CHST11: variants seen among roughly 807,000 people sequenced by gnomAD.
CHST11 encodes the protein C4S-1.
In CHST11, 9 loss-of-function variants were observed where a neutral mutation model predicts 30.4. The observed-to-expected ratio is 0.30, with a 90% CI of 0.18 to 0.52. The LOEUF (loss-of-function observed/expected upper bound fraction) is 0.52. CHST11 is among the 20% of genes least tolerant of loss of function. The probability of loss-of-function intolerance (pLI) is 0.97; values close to 1 mark genes in which losing one functional copy is unlikely to be tolerated. For missense variants in CHST11, 348 were observed against 460.6 expected, an observed-to-expected ratio of 0.76 and a Z score of 2.24; for synonymous variants, 152 against 187.8, an observed-to-expected ratio of 0.81 and a Z score of 1.56.
At chr12:104,643,519 G>A (rs529004197) in intron 2 of CHST11, among the ~76,000 whole-genome samples, 41 of 152,276 alleles carry the variant, frequency 2.7e-4, no homozygotes, top group African/African-American at 9.4e-4. Flanking sequence ...AGTGGGTAGC[G>A]TGTTTGTGTG....
At chr12:104,461,481 G>A (rs1438113026) in intron 1 of CHST11, among the ~76,000 whole-genome samples, 1 of 152,256 alleles carries the variant, frequency 6.6e-6, no homozygotes, top group African/African-American at 2.4e-5. Flanking sequence ...TGATGGAGCT[G>A]TGTCATGCAG....
chr12:104,735,423 T>C (rs972724645), intron 2 of CHST11, among the ~76,000 whole-genome samples: 5 of 152,066 alleles, frequency 3.3e-5, no homozygotes, highest in Admixed American at 2.6e-4. Context: ...GTAAAAATAA[T>C]AATACCACGT....
chr12:104,745,532 AG>A (rs530316435), intron 2 of CHST11, among the ~76,000 whole-genome samples: 51 of 152,346 alleles, frequency 3.3e-4, no homozygotes, highest in African/African-American at 1.2e-3. Context: ...TTTAGGCAGT[AG>A]GGCCATTTTA....
At chr12:104,614,466 G>A (rs1054073937) in intron 2 of CHST11, among the ~76,000 whole-genome samples, 2 of 152,154 alleles carry the variant, frequency 1.3e-5, no homozygotes, top group Non-Finnish European at 2.9e-5. Flanking sequence ...GATCCCCTGA[G>A]CCCAGGAATT....
At chr12:104,721,269 C>T (rs1227979147) in intron 2 of CHST11, among the ~76,000 whole-genome samples, 1 of 152,162 alleles carries the variant, frequency 6.6e-6, no homozygotes, top group Non-Finnish European at 1.5e-5. Context: ...GGGCTTATCT[C>T]TGTGTCTCTC....
At chr12:104,677,868 T>G (rs1428719651) in intron 2 of CHST11, among the ~76,000 whole-genome samples, 2 of 152,232 alleles carry the variant, frequency 1.3e-5, no homozygotes, top group Non-Finnish European at 2.9e-5. Flanking sequence ...TGTTCCAGCC[T>G]CTTGGCCCAC....
intron 1 of CHST11, among the ~76,000 whole-genome samples, chr12:104,498,220 C>T (rs989867199): frequency 3.3e-5 from 5 of 152,102 alleles, no homozygotes; most frequent in African/African-American, 1.2e-4. Context: ...AGCCACTGCA[C>T]CAGACCCTGT....
intron 1 of CHST11, among the ~76,000 whole-genome samples, chr12:104,513,304 A>G (rs766738292): frequency 6.6e-6 from 1 of 152,112 alleles, no homozygotes; most frequent in Non-Finnish European, 1.5e-5. Context: ...GATATTTTCT[A>G]TATTCAGAGA....
intron 2 of CHST11, among the ~76,000 whole-genome samples, chr12:104,717,630 G>C (rs139098724): frequency 6.6e-6 from 1 of 152,148 alleles, no homozygotes; most frequent in Non-Finnish European, 1.5e-5. Flanking sequence ...AAATTAGATG[G>C]TGTGGTGGTA....
chr12:104,751,747 C>A lies in CHST11; in HGVS notation c.205-5202C>A, dbSNP rs541421595. Among the ~76,000 whole-genome samples, 4 of 152,340 alleles carry A rather than the reference C, an allele frequency of 2.6e-5. No homozygotes were observed. In the South Asian group the frequency reaches 8.3e-4, roughly 32 times the overall value. The stretch of plus-strand genomic sequence containing the variant: ...AAATGTACCTTATTTGCTGTAGTCA[C>A]CACCCCTGCGGGGTAGGTGGTACTA... On this transcript the variant is annotated intron_variant, in intron 2 of 2. Transcript: ENST00000303694.
At chr12:104,624,758 G>A (rs1283551874) in intron 2 of CHST11, among the ~76,000 whole-genome samples, 1 of 152,122 alleles carries the variant, frequency 6.6e-6, no homozygotes, top group African/African-American at 2.4e-5. Context: ...CGGACTGGGT[G>A]GCTTGAACAA....
At chr12:104,652,538 A>T (rs539191072) in intron 2 of CHST11, among the ~76,000 whole-genome samples, 1 of 152,164 alleles carries the variant, frequency 6.6e-6, no homozygotes, top group Non-Finnish European at 1.5e-5. Context: ...GCCTCTGGAG[A>T]ACAGAGCTCA....
At chr12:104,553,576 A>AGAGG (rs141893823) in intron 1 of CHST11, 1 of 56,904 alleles carries the variant, frequency 1.8e-5, no homozygotes, top group African/African-American at 5.2e-5. Flanking sequence ...AGCGAGAGAG[A>AGAGG]GAGAGAGAGA....
intron 1 of CHST11, among the ~76,000 whole-genome samples, chr12:104,555,951 A>G (rs2038450560): frequency 6.6e-6 from 1 of 152,120 alleles, no homozygotes; most frequent in Admixed American, 6.5e-5. Flanking sequence ...GAAGGAAGGG[A>G]GAGGGATTAC....
intron 1 of CHST11, among the ~76,000 whole-genome samples, chr12:104,541,373 T>C (rs1398724544): frequency 6.6e-6 from 1 of 152,150 alleles, no homozygotes; most frequent in Admixed American, 6.5e-5. Context: ...TCTCAGAGCC[T>C]GCAAGACCCT....
intron 2 of CHST11, among the ~76,000 whole-genome samples, chr12:104,727,265 T>A (rs1011750038): frequency 2.0e-5 from 3 of 152,216 alleles, no homozygotes; most frequent in Non-Finnish European, 4.4e-5. Context: ...ACATTCAAGA[T>A]CCTTCAGGGC....
chr12:104,669,325 A>G (rs919346643), intron 2 of CHST11, among the ~76,000 whole-genome samples: 1 of 152,160 alleles, frequency 6.6e-6, no homozygotes, highest in Non-Finnish European at 1.5e-5. Flanking sequence ...AAGGCTTTTA[A>G]ACTTGCTGGG....
intron 2 of CHST11, among the ~76,000 whole-genome samples, chr12:104,645,601 C>T (rs941220629): frequency 1.3e-5 from 2 of 152,168 alleles, no homozygotes; most frequent in Non-Finnish European, 2.9e-5. Flanking sequence ...CCTTCCCACC[C>T]ACTCACCTTC....
chr12:104,532,771 C>T (rs2038198225), intron 1 of CHST11, among the ~76,000 whole-genome samples: 1 of 152,130 alleles, frequency 6.6e-6, no homozygotes, highest in Non-Finnish European at 1.5e-5. Flanking sequence ...CTCACTGTCC[C>T]AATGATCCTA....
Sources: allele counts gnomAD v4.1 joint callset (sites outside exome capture counted in the v4.1 genomes callset), GRCh38; gene constraint gnomAD v4.1.1; transcripts MANE v1.5; gene names NCBI Gene and HGNC (gene_info 2026-07-23, HGNC 2026-07-21).